The following DROSHA variants were observed in gnomAD, a reference collection of about 807,000 sequenced individuals.
The protein encoded by DROSHA is drosha ribonuclease III.
Under a neutral mutation model 181.9 loss-of-function variants are expected in DROSHA, and 56 were observed. That is an observed-to-expected ratio of 0.31 (90% CI 0.25 to 0.38). The LOEUF (loss-of-function observed/expected upper bound fraction) is 0.38, where lower values mean the gene tolerates loss of function less well. DROSHA is among the 10% of genes least tolerant of loss of function. DROSHA has a pLI of 1.00. For synonymous variants in DROSHA, 524 were observed against 591.2 expected (o/e 0.89, Z 1.65); for missense variants, 1,218 against 1,743.5 (o/e 0.70, Z 5.37).
intron 25 of DROSHA, among the ~76,000 whole-genome samples, chr5:31,432,748 GTA>G (rs1324200838): frequency 6.6e-6 from 1 of 152,100 alleles, no homozygotes; most frequent in Non-Finnish European, 1.5e-5. Flanking sequence ...ATACGTCAGT[GTA>G]TACTAACTTT....
At chr5:31,421,871 C>CAAAAAAAAAAAAAAAA (rs70955711) in intron 29 of DROSHA, 10 of 25,456 alleles carry the variant, frequency 3.9e-4, no homozygotes, top group Non-Finnish European at 5.6e-4. Context: ...CCCATCTCTA[C>CAAAAAAAAAAAAAAAA]AAAAAAAAAA....
chr5:31,457,123 C>CTTTTT (rs5867080), intron 20 of DROSHA, among the ~76,000 whole-genome samples: 13 of 99,114 alleles, frequency 1.3e-4, no homozygotes, highest in East Asian at 3.4e-4. Context: ...GAAATTAAGC[C>CTTTTT]TTTTTTTTTT....
rs1326214503 is a variant in DROSHA at position 31,521,230 on chromosome 5, T to C, written c.855-15A>G. 2 of 1,612,796 alleles carry C rather than the reference T, an allele frequency of 1.2e-6. No homozygotes were observed. The highest frequency in any genetic ancestry group is 2.2e-5 in the East Asian group (1 of 44,866). ...GTTCTCGCTCTCTTAAAGGAATTAA[T>C]ACACAGAGCTGTTTTCAACAGAAAG... is the stretch of plus-strand genomic sequence containing the variant. On this transcript the variant is annotated splice_polypyrimidine_tract_variant and intron_variant, in intron 5 of 35. Coordinates refer to ENST00000344624, the MANE Select transcript of DROSHA (RefSeq NM_001382508.1).
chr5:31,529,155 C>T lies in DROSHA; in HGVS notation c.-46-50G>A, dbSNP rs565403957. ...GACATAAACATGTTTCCCAAACTGC[C>T]AATGCTACAAAATATTTCTGCAATT... On this transcript the variant is annotated intron_variant, in intron 3 of 35. Transcript: ENST00000344624. 18 of 1,483,962 alleles carry T rather than the reference C, an allele frequency of 1.2e-5. No homozygotes were observed. In the South Asian group the frequency reaches 2.2e-4, roughly 18 times the overall value. The allele number at this position is 1,483,962 out of a possible 1,614,324, so 91.9% of individuals were successfully genotyped here. A position where few individuals can be genotyped will look rare whatever the true frequency, so the allele number is the denominator to read the frequency against.
rs1741040177 is a variant in DROSHA at position 31,409,477 on chromosome 5, C to T, written c.3668-145G>A. On this transcript the variant is annotated intron_variant, in intron 31 of 35. Coordinates refer to ENST00000344624, the MANE Select transcript of DROSHA (RefSeq NM_001382508.1). This position sits in a 1 kb window ranked among gnomAD's most constrained non-coding sequence, Gnocchi z 4.0. ...TTTTTCAGTGCTACCATTTCATCTT[C>T]CCCCACTTTTTATCATTAATATCAG... is the stretch of plus-strand genomic sequence containing the variant. The T allele has an allele frequency of 1.5e-6, 1 of 675,270 alleles. No individual in the cohort carries two copies. The highest frequency in any genetic ancestry group is 2.5e-6 in the Non-Finnish European group (1 of 396,946). The allele number at this position is 675,270 out of a possible 1,614,324, so 41.8% of individuals were successfully genotyped here. A position where few individuals can be genotyped will look rare whatever the true frequency, so the allele number is the denominator to read the frequency against.
At chr5:31,467,812 T>G (rs886490980) in intron 18 of DROSHA, 127 bp downstream of exon 18, 1 of 1,246,710 alleles carries the variant, frequency 8.0e-7, no homozygotes, top group African/African-American at 1.5e-5. Context: ...TAATCTAAAT[T>G]GGAAGTATGG....
intron 27 of DROSHA, among the ~76,000 whole-genome samples, chr5:31,427,080 T>C (rs528095548): frequency 3.0e-4 from 46 of 152,260 alleles, no homozygotes; most frequent in Middle Eastern, 6.8e-3. Context: ...ATGGGTTCAA[T>C]GTTACACATG....
intron 13 of DROSHA, 137 bp from the exon 14 acceptor site, chr5:31,486,699 C>A (rs1380893945): frequency 3.1e-6 from 2 of 647,164 alleles, no homozygotes; most frequent in Non-Finnish European, 5.2e-6. Context: ...AACAACACTG[C>A]ACATGAAGCT....
At chr5:31,474,362 C>CT (rs1486800195) in intron 16 of DROSHA, among the ~76,000 whole-genome samples, 4 of 150,902 alleles carry the variant, frequency 2.7e-5, no homozygotes, top group South Asian at 2.1e-4. Flanking sequence ...TATTAAAGTC[C>CT]TTTTTTTTTC....
chr5:31,513,537 C>G (rs894094279), intron 8 of DROSHA, among the ~76,000 whole-genome samples: 7 of 152,178 alleles, frequency 4.6e-5, no homozygotes, highest in African/African-American at 1.7e-4. Context: ...GCTTTCCCTT[C>G]CCTGTACCAC....
intron 8 of DROSHA, among the ~76,000 whole-genome samples, chr5:31,513,581 T>C (rs1016897256): frequency 6.6e-6 from 1 of 152,186 alleles, no homozygotes; most frequent in Non-Finnish European, 1.5e-5. Flanking sequence ...CTCTAATTTA[T>C]CAAATAAAAT....
intron 29 of DROSHA, among the ~76,000 whole-genome samples, chr5:31,422,185 T>C (rs187768277): frequency 2.5e-4 from 38 of 151,894 alleles, no homozygotes; most frequent in Non-Finnish European, 4.4e-4. Context: ...AAAAAATCTA[T>C]GATAAGAATC....
chr5:31,421,440 C>T, intron 29 of DROSHA, 63 bp from the exon 30 acceptor site: 1 of 1,319,956 alleles, frequency 7.6e-7, no homozygotes, highest in Non-Finnish European at 1.1e-6. Flanking sequence ...AAAAAAACAC[C>T]CAGAATTTTA....
intron 6 of DROSHA, among the ~76,000 whole-genome samples, chr5:31,516,758 C>T (rs1027730895): frequency 6.6e-6 from 1 of 152,142 alleles, no homozygotes; most frequent in South Asian, 2.1e-4. Context: ...AAATCAGGAA[C>T]ACCTATTTCA....
intron 28 of DROSHA, 29 bp downstream of exon 28, chr5:31,424,398 C>A: frequency 6.3e-7 from 1 of 1,590,094 alleles, no homozygotes; most frequent in Non-Finnish European, 8.6e-7. Flanking sequence ...AGTTATAAAG[C>A]TCACTGCAGA....
chr5:31,505,754 C>T (rs1202849050), intron 10 of DROSHA: 2 of 152,112 alleles, frequency 1.3e-5, no homozygotes, highest in African/African-American at 4.8e-5. Flanking sequence ...CGTTTCTTCT[C>T]CACTCCCACT....
intron 30 of DROSHA, among the ~76,000 whole-genome samples, chr5:31,417,349 C>T (rs1471512806): frequency 5.9e-5 from 9 of 152,170 alleles, no homozygotes; most frequent in Admixed American, 4.6e-4. Context: ...GTGACTGTAA[C>T]AACATTGTCT....
intron 30 of DROSHA, among the ~76,000 whole-genome samples, chr5:31,418,006 C>T (rs1330867360): frequency 2.0e-5 from 3 of 152,098 alleles, no homozygotes; most frequent in Non-Finnish European, 4.4e-5. Flanking sequence ...CAAAAATGCC[C>T]GTAAGAACAG....
rs1365928708 is a variant in DROSHA, at chr5:31,415,942, A to G, written c.3526-5055T>C. 4.6e-5 allele frequency among the ~76,000 whole-genome samples: 7 copies of G among 152,320 alleles called. No individual in the cohort carries two copies. The East Asian group carries it at 7.7e-4, about 17-fold the overall frequency. Reference sequence around the variant, plus strand: ...AAACAGAACTTCCCTCTATAGCCCAATGCAAACTCGGTTATCCTAGAACAA... The same window carrying G: ...AAACAGAACTTCCCTCTATAGCCCAGTGCAAACTCGGTTATCCTAGAACAA... On this transcript the variant is annotated intron_variant, in intron 30 of 35. Coordinates refer to ENST00000344624, the MANE Select transcript of DROSHA (RefSeq NM_001382508.1).
Sources: allele counts gnomAD v4.1 joint callset (sites outside exome capture counted in the v4.1 genomes callset), GRCh38; gene constraint gnomAD v4.1.1; non-coding constraint Gnocchi (gnomAD v3.1); transcripts MANE v1.5; gene names NCBI Gene and HGNC (gene_info 2026-07-23, HGNC 2026-07-21).